AMBRA1: variants seen among roughly 807,000 people sequenced by gnomAD.
AMBRA1 encodes the protein activating molecule in BECN1-regulated autophagy protein 1.
AMBRA1 carries 47 observed loss-of-function variants against 125.4 expected under a neutral mutation model. The ratio of observed to expected loss-of-function variants is 0.37; its 90% CI spans 0.30 to 0.48. The LOEUF (loss-of-function observed/expected upper bound fraction) is 0.48. Among genes scored for constraint, AMBRA1 ranks in the 20% least tolerant of loss-of-function variants. The probability of loss-of-function intolerance (pLI) is 0.99; values close to 1 mark genes in which losing one functional copy is unlikely to be tolerated. For synonymous variants in AMBRA1, 626 were observed against 655.5 expected (o/e 0.95, Z 0.69); for missense variants, 1,331 against 1,693.4 (o/e 0.79, Z 3.76).
chr11:46,558,432 C>G (rs2043224802), intron 1 of AMBRA1, among the ~76,000 whole-genome samples: 1 of 151,228 alleles, frequency 6.6e-6, no homozygotes, highest in Admixed American at 6.6e-5. Context: ...GCCTGTAATC[C>G]CAGCTACTCA....
intron 1 of AMBRA1, among the ~76,000 whole-genome samples, chr11:46,583,652 C>CAAAAAAAAAAAAAAAAAAA (rs1398623719): frequency 2.4e-4 from 3 of 12,564 alleles, no homozygotes; most frequent in African/African-American, 2.4e-4. Flanking sequence ...AACAAATTTC[C>CAAAAAAAAAAAAAAAAAAA]AAAAAAAAAA....
intron 1 of AMBRA1, among the ~76,000 whole-genome samples, chr11:46,587,740 C>T (rs920626466): frequency 6.6e-6 from 1 of 152,154 alleles, no homozygotes; most frequent in Non-Finnish European, 1.5e-5. Flanking sequence ...AATACCTATA[C>T]TCCCCACTGG....
chr11:46,479,643 G>A (rs1949975826), intron 11 of AMBRA1, among the ~76,000 whole-genome samples: 1 of 152,018 alleles, frequency 6.6e-6, no homozygotes, highest in Non-Finnish European at 1.5e-5. Flanking sequence ...GTTGCAGTGA[G>A]CTGAGACTAC....
At chr11:46,544,832 G>A (rs1001566629) in intron 5 of AMBRA1, among the ~76,000 whole-genome samples, 1 of 152,154 alleles carries the variant, frequency 6.6e-6, no homozygotes, top group Admixed American at 6.5e-5. Flanking sequence ...GAAAGCAGGA[G>A]GCGGCCAGGT....
In AMBRA1 at chr11:46,567,731, T is replaced by C. The variant is rs576048332; in HGVS notation, c.-120-19231A>G. ...ACCCCACCCCAACCAGCGATTCCTC[T>C]GTAGCCCCTAGCCAGAAGCAGACTC... On this transcript the variant is annotated intron_variant, in intron 1 of 17. Transcript: ENST00000683756. 2.6e-5 allele frequency among the ~76,000 whole-genome samples: 4 copies of C among 152,256 alleles called. No individual in the cohort carries two copies. The East Asian group carries it at 7.7e-4, about 29-fold the overall frequency.
At chr11:46,428,756 A>G in intron 14 of AMBRA1, 4 of 1,610,544 alleles carry the variant, frequency 2.5e-6, no homozygotes, top group Non-Finnish European at 3.4e-6. Flanking sequence ...ACCAGGTGGC[A>G]CAGCACTCCG....
chr11:46,426,749 A>G, intron 14 of AMBRA1, among the ~76,000 whole-genome samples: 1 of 152,234 alleles, frequency 6.6e-6, no homozygotes, highest in East Asian at 1.9e-4. Context: ...CAACTTTAAG[A>G]TAATTGCAGC....
intron 9 of AMBRA1, among the ~76,000 whole-genome samples, chr11:46,497,308 A>C (rs1232153841): frequency 6.6e-6 from 1 of 152,168 alleles, no homozygotes; most frequent in Non-Finnish European, 1.5e-5. Flanking sequence ...AACAAGAATG[A>C]GATCAGCTGG....
At chr11:46,457,350 A>C (rs1460310704) in intron 11 of AMBRA1, among the ~76,000 whole-genome samples, 1 of 152,198 alleles carries the variant, frequency 6.6e-6, no homozygotes, top group Non-Finnish European at 1.5e-5. Context: ...GTCAAAGGTG[A>C]GGTTAGATCG....
chr11:46,419,753 G>C (rs1486667003), intron 14 of AMBRA1, among the ~76,000 whole-genome samples: 2 of 152,084 alleles, frequency 1.3e-5, no homozygotes, highest in East Asian at 3.9e-4. Flanking sequence ...TTCATAAAAT[G>C]AACTTAGAGT....
At chr11:46,513,258 GCT>G (rs987723398) in intron 7 of AMBRA1, among the ~76,000 whole-genome samples, 6 of 145,720 alleles carry the variant, frequency 4.1e-5, no homozygotes, top group East Asian at 2.0e-4. Context: ...CTCTGCCTAC[GCT>G]CTTTTTTCTT....
intron 1 of AMBRA1, among the ~76,000 whole-genome samples, chr11:46,568,803 C>CTTTTTTTTT (rs774631588): frequency 1.0e-5 from 1 of 96,464 alleles, no homozygotes; most frequent in South Asian, 3.7e-4. Context: ...TCAACCCTAC[C>CTTTTTTTTT]TTTTTTTTTT....
At chr11:46,541,762 C>A (rs113728549) in intron 7 of AMBRA1, among the ~76,000 whole-genome samples, 183 bp downstream of exon 7, 2 of 152,270 alleles carry the variant, frequency 1.3e-5, no homozygotes, top group African/African-American at 4.8e-5. Context: ...CTGACTCATA[C>A]TGCTAGGCCC....
At chr11:46,497,864 G>C (rs1950693380) in intron 9 of AMBRA1, among the ~76,000 whole-genome samples, 1 of 152,186 alleles carries the variant, frequency 6.6e-6, no homozygotes, top group South Asian at 2.1e-4. Flanking sequence ...AGAAAGAGGG[G>C]AAGATTCAGA....
At chr11:46,497,447 G>A (rs1028574505) in intron 9 of AMBRA1, among the ~76,000 whole-genome samples, 1 of 152,164 alleles carries the variant, frequency 6.6e-6, no homozygotes, top group African/African-American at 2.4e-5. Flanking sequence ...TGGAGAAATA[G>A]GAGCTAAATG....
chr11:46,475,878 A>C (rs7117944), intron 11 of AMBRA1, among the ~76,000 whole-genome samples: 2,854 of 152,356 alleles, frequency 0.019, 97 homozygotes, highest in African/African-American at 0.065. Context: ...GCAGCTTCAA[A>C]TAAAGGATAT....
chr11:46,443,649 C>T, intron 11 of AMBRA1, 51 bp from the exon 12 acceptor site: 30 of 1,466,132 alleles, frequency 2.0e-5, no homozygotes, highest in Non-Finnish European at 2.8e-5. Context: ...ATCCACGTTT[C>T]CACTGCAAAA....
chr11:46,426,403 T>A (rs902920226), intron 14 of AMBRA1, among the ~76,000 whole-genome samples: 17 of 152,178 alleles, frequency 1.1e-4, no homozygotes, highest in South Asian at 2.1e-4. Flanking sequence ...TAGGTCCATT[T>A]TGTTCACTGC....
chr11:46,584,731 C>T (rs532569650), intron 1 of AMBRA1, among the ~76,000 whole-genome samples: 7 of 152,050 alleles, frequency 4.6e-5, no homozygotes, highest in Admixed American at 6.6e-5. Context: ...GCCTCAGCCT[C>T]GCAAGCAGCT....
Sources: allele counts gnomAD v4.1 joint callset (sites outside exome capture counted in the v4.1 genomes callset), GRCh38; gene constraint gnomAD v4.1.1; transcripts MANE v1.5; gene names NCBI Gene and HGNC (gene_info 2026-07-23, HGNC 2026-07-21).